Variants in CCNJL observed in about 807,000 individuals in gnomAD.
CCNJL encodes cyclin J like.
A neutral mutation model predicts 33.4 loss-of-function variants in CCNJL; 33 were observed. That is an observed-to-expected ratio of 0.99 (90% CI 0.75 to 1.32). The LOEUF is 1.32. CCNJL is among the 40% of genes most tolerant of loss of function. CCNJL has a pLI of 0.00. For missense variants in CCNJL, 512 were observed against 499.7 expected (o/e 1.02, Z -0.23); for synonymous variants, 227 against 220.9 (o/e 1.03, Z -0.24).
intron 1 of CCNJL, among the ~76,000 whole-genome samples, chr5:160,333,326 G>A (rs1005530438): frequency 2.0e-5 from 3 of 151,876 alleles, no homozygotes; most frequent in Non-Finnish European, 2.9e-5. Context: ...GGGTTTCACC[G>A]TGTTAGCCTG....
rs1005450058 is a variant in CCNJL, at chr5:160,249,091, T to C, written c.*4287A>G. On this transcript the variant is annotated 3_prime_UTR_variant, in exon 6 of 6. Transcript: ENST00000257536. ...AAATAAAAGATCTGGAATCAGTCTT[T>C]AGCAACTTTAATACTTCTTGATTTT... The C allele has an allele frequency of 1.3e-5, 2 of 152,178 alleles. No homozygotes were observed. The highest frequency in any genetic ancestry group is 4.8e-5 in the African/African-American group (2 of 41,436). The allele number at this position is 152,178 out of a possible 1,614,324, so 9.4% of individuals were successfully genotyped here. A position where few individuals can be genotyped will look rare whatever the true frequency, so the allele number is the denominator to read the frequency against.
chr5:160,322,267 C>T (rs1327263987), intron 1 of CCNJL, among the ~76,000 whole-genome samples: 2 of 152,196 alleles, frequency 1.3e-5, no homozygotes, highest in African/African-American at 4.8e-5. Context: ...GCCCTCTTCC[C>T]TCTTTTCCCA....
chr5:160,275,889 A>T (rs943153639), intron 3 of CCNJL, among the ~76,000 whole-genome samples: 3 of 152,184 alleles, frequency 2.0e-5, no homozygotes, highest in Non-Finnish European at 2.9e-5. Flanking sequence ...TGTCTCAAAA[A>T]GTCCAACATA....
intron 2 of CCNJL, among the ~76,000 whole-genome samples, chr5:160,309,618 G>A (rs1259130609): frequency 2.6e-5 from 4 of 152,218 alleles, no homozygotes; most frequent in African/African-American, 7.2e-5. Context: ...CAAGAAAGGC[G>A]AGGCTAGTAT....
Position 160,256,364 on chromosome 5 carries a change from A to G in CCNJL, c.584-656T>C, listed in dbSNP as rs536121954. On this transcript the variant is annotated intron_variant, in intron 4 of 5. Transcript: ENST00000257536. ...ATTTCAAAGGCTTCCGTTTTGGGGT[A>G]TGACTTAAAGCTACTTATTAATTGT... is the stretch of plus-strand genomic sequence containing the variant. 9.8e-5 allele frequency among the ~76,000 whole-genome samples: 15 copies of G among 152,316 alleles called. No individual in the cohort carries two copies. In the South Asian group the frequency reaches 3.1e-3, roughly 32 times the overall value.
Position 160,255,639 on chromosome 5 carries a change from AG to A in CCNJL, c.652del (p.Leu218CysfsTer31), listed in dbSNP as rs773064496. ...TCTGGTCCAGTAGGGAGAAAGCTGC[AG>A]GCAAATCCTGGAGGCCCCAACACAG... ...AACVGASRICLQLSPYWTRDL... is the reference protein window; with the variant it reads ...AACVGASRICXQLSPYWTRDL... On this transcript the variant is annotated frameshift_variant, in exon 5 of 6. Transcript: ENST00000257536. LOFTEE classifies it high-confidence loss of function. 1 of 1,614,132 alleles carries A rather than the reference AG, an allele frequency of 6.2e-7. No individual in the cohort carries two copies. The highest frequency in any genetic ancestry group is 8.5e-7 in the Non-Finnish European group (1 of 1,179,964).
rs1762100095 is a variant in CCNJL, at chr5:160,278,688, C to A, written c.280+1837G>T. Among the ~76,000 whole-genome samples the A allele has an allele frequency of 1.3e-5, 2 of 152,188 alleles. 1 individual carries two copies. Among genetic ancestry groups the A allele is most frequent in the African/African-American group, 4.8e-5 (2 of 41,462 alleles). On this transcript the variant is annotated intron_variant, in intron 3 of 5. Transcript: ENST00000257536. ...CTCCAGTGTGTGCCTCACATCCCAGCTCCCCAGACAGACACTCGGGGAGAG... is the reference window on the plus strand; with the variant it reads ...CTCCAGTGTGTGCCTCACATCCCAGATCCCCAGACAGACACTCGGGGAGAG...
chr5:160,318,349 A>C (rs1199370536), intron 1 of CCNJL, among the ~76,000 whole-genome samples: 2 of 152,198 alleles, frequency 1.3e-5, no homozygotes, highest in Non-Finnish European at 2.9e-5. Context: ...GTCATATTGG[A>C]CTAAGGGCCC....
intron 2 of CCNJL, among the ~76,000 whole-genome samples, chr5:160,293,258 C>T (rs1374708383): frequency 1.3e-5 from 2 of 152,068 alleles, no homozygotes; most frequent in African/African-American, 4.8e-5. Flanking sequence ...GTCTCTACTA[C>T]AAATACAAAA....
chr5:160,253,352 G>T lies in CCNJL; in HGVS notation c.*26C>A. The T allele has an allele frequency of 1.3e-6, 2 of 1,543,378 alleles. No homozygotes were observed. The highest frequency in any genetic ancestry group is 1.8e-6 in the Non-Finnish European group (2 of 1,141,936). On this transcript the variant is annotated 3_prime_UTR_variant, in exon 6 of 6. Transcript: ENST00000257536. ...CTCTTCCTCTGCCCACATCTCCAAG[G>T]CTTCCTCGTGAGGTCTGGAGGTGGC...
chr5:160,319,827 A>C (rs952878335), intron 1 of CCNJL, among the ~76,000 whole-genome samples: 6 of 152,068 alleles, frequency 3.9e-5, no homozygotes, highest in Admixed American at 3.9e-4. Context: ...AGTGCCAGCT[A>C]CTTGGGAGGT....
At chr5:160,326,946 T>C (rs1436026772) in intron 1 of CCNJL, 1 of 618,482 alleles carries the variant, frequency 1.6e-6, no homozygotes, top group East Asian at 3.9e-5. Context: ...GACATAATAT[T>C]ACTCTGCTAC....
intron 4 of CCNJL, among the ~76,000 whole-genome samples, chr5:160,256,884 C>T (rs1367945426): frequency 6.6e-6 from 1 of 151,524 alleles, no homozygotes; most frequent in Non-Finnish European, 1.5e-5. Context: ...AGCCATTGCA[C>T]TCCAGCCTGG....
intron 3 of CCNJL, among the ~76,000 whole-genome samples, chr5:160,277,124 C>CA (rs1402913520): frequency 6.6e-6 from 1 of 151,956 alleles, no homozygotes; most frequent in Non-Finnish European, 1.5e-5. Flanking sequence ...AACAAACAAA[C>CA]AACAACAACA....
intron 2 of CCNJL, among the ~76,000 whole-genome samples, chr5:160,289,542 C>A (rs1762516737): frequency 6.6e-6 from 1 of 151,998 alleles, no homozygotes. Flanking sequence ...ACCAGAGGAG[C>A]CATTCTGGGG....
chr5:160,314,194 G>A (rs1763350436), upstream of CCNJL, among the ~76,000 whole-genome samples: 1 of 152,104 alleles, frequency 6.6e-6, no homozygotes, highest in African/African-American at 2.4e-5. Context: ...CAAAAAAACT[G>A]GGGGGACAGA....
At chr5:160,311,593 T>C (rs1763261118) in intron 2 of CCNJL, among the ~76,000 whole-genome samples, 2 of 152,180 alleles carry the variant, frequency 1.3e-5, no homozygotes, top group Non-Finnish European at 2.9e-5. Flanking sequence ...AAACACTGCC[T>C]TAGAGGTACA....
intron 2 of CCNJL, among the ~76,000 whole-genome samples, chr5:160,284,163 GCAA>G (rs1221370950): frequency 6.6e-6 from 1 of 151,946 alleles, no homozygotes; most frequent in Non-Finnish European, 1.5e-5. Flanking sequence ...ACTAGCCTGG[GCAA>G]CATGGCAAAA....
chr5:160,293,296 C>T (rs560485328), intron 2 of CCNJL, among the ~76,000 whole-genome samples: 7 of 152,254 alleles, frequency 4.6e-5, no homozygotes, highest in Non-Finnish European at 8.8e-5. Context: ...TGGTGCACGC[C>T]TGTAACCTCA....
Sources: allele counts gnomAD v4.1 joint callset (sites outside exome capture counted in the v4.1 genomes callset), GRCh38; gene constraint gnomAD v4.1.1; transcripts MANE v1.5; gene names NCBI Gene and HGNC (gene_info 2026-07-23, HGNC 2026-07-21).